Variants in OMA1 observed in about 807,000 individuals in gnomAD.
OMA1 encodes the protein OMA1 zinc metallopeptidase.
In OMA1, 38 loss-of-function variants were observed where a neutral mutation model predicts 30.9. That is an observed-to-expected ratio of 1.23 (90% confidence interval 0.95 to 1.61). The LOEUF is 1.61. Among genes scored for constraint, OMA1 ranks in the 40% most tolerant of loss-of-function variants. The probability of loss-of-function intolerance (pLI) is 0.00; values close to 1 mark genes in which losing one functional copy is unlikely to be tolerated. For missense variants in OMA1, 461 were observed against 349.2 expected (o/e 1.32, Z -2.55); for synonymous variants, 173 against 121.9 (o/e 1.42, Z -2.76).
At chr1:58,541,614 C>CAAAAAAAAAAAAAAACAAAA (rs1646617391) in intron 1 of OMA1, 1 of 65,622 alleles carries the variant, frequency 1.5e-5, no homozygotes, top group African/African-American at 5.9e-5. Context: ...GAGAACCTGT[C>CAAAAAAAAAAAAAAACAAAA]AAAAAAAAAA....
rs536984976 is a variant in OMA1 at position 58,489,495 on chromosome 1, G to C, written c.1366-8321C>G. On this transcript the variant is annotated intron_variant, in intron 8 of 8. Transcript: ENST00000371226. ...GCAGCTCAAGGAGGCCTGCCTGCCT[G>C]TGTAGACTCCACCTCTGGGGGCAGG... 6.3e-4 allele frequency among the ~76,000 whole-genome samples: 96 copies of C among 152,318 alleles called. No homozygotes were observed. In the South Asian group the frequency reaches 0.018, roughly 29 times the overall value.
At chr1:58,482,275 T>C (rs916617635) in intron 8 of OMA1, among the ~76,000 whole-genome samples, 7 of 152,114 alleles carry the variant, frequency 4.6e-5, no homozygotes, top group Non-Finnish European at 7.4e-5. Context: ...AGTTAGAATG[T>C]AGCAACATAA....
chr1:58,519,879 T>C (rs1170267187), intron 7 of OMA1, among the ~76,000 whole-genome samples: 1 of 152,122 alleles, frequency 6.6e-6, no homozygotes, highest in Non-Finnish European at 1.5e-5. Flanking sequence ...ACAAAGTAAC[T>C]GAAATTTAAA....
intron 7 of OMA1, among the ~76,000 whole-genome samples, chr1:58,522,957 G>A (rs1194898931): frequency 6.6e-6 from 1 of 152,156 alleles, no homozygotes; most frequent in South Asian, 2.1e-4. Flanking sequence ...AGACAGGAAA[G>A]GCAGGCATAA....
chr1:58,500,991 A>G (rs1645898001), intron 8 of OMA1, among the ~76,000 whole-genome samples: 1 of 152,202 alleles, frequency 6.6e-6, no homozygotes, highest in Non-Finnish European at 1.5e-5. Context: ...TAAAACTGTC[A>G]TACTATTAAA....
At chr1:58,535,993 A>G (rs1192297546) in intron 3 of OMA1, among the ~76,000 whole-genome samples, 3 of 152,136 alleles carry the variant, frequency 2.0e-5, no homozygotes, top group Non-Finnish European at 4.4e-5. Context: ...ACCATAAACA[A>G]AACAGGTAAG....
intron 1 of OMA1, among the ~76,000 whole-genome samples, chr1:58,542,006 T>C (rs1300374048): frequency 2.0e-5 from 3 of 152,238 alleles, no homozygotes; most frequent in East Asian, 1.9e-4. Context: ...TCTAGAAAGA[T>C]GCTCCAGGAC....
intron 1 of OMA1, among the ~76,000 whole-genome samples, chr1:58,545,467 T>G (rs1186057559): frequency 6.6e-6 from 1 of 151,748 alleles, no homozygotes; most frequent in Non-Finnish European, 1.5e-5. Flanking sequence ...AATCTATTCA[T>G]GCATTTTCAA....
At chr1:58,505,010 T>C (rs1423742245) in intron 8 of OMA1, among the ~76,000 whole-genome samples, 1 of 152,068 alleles carries the variant, frequency 6.6e-6, no homozygotes, top group Admixed American at 6.6e-5. Flanking sequence ...TAGAGTGCAG[T>C]GGCACGATCT....
intron 7 of OMA1, among the ~76,000 whole-genome samples, chr1:58,521,744 A>G (rs1050504211): frequency 7.9e-5 from 12 of 152,208 alleles, no homozygotes; most frequent in Non-Finnish European, 1.8e-4. Context: ...TTCTATATCT[A>G]TTAAAGAGAC....
intron 2 of OMA1, among the ~76,000 whole-genome samples, chr1:58,536,953 C>T (rs1257407676): frequency 6.6e-6 from 1 of 151,870 alleles, no homozygotes; most frequent in Non-Finnish European, 1.5e-5. Context: ...AATTCTAATA[C>T]TCATCGAAAT....
At chr1:58,507,999 T>A (rs1041250709) in intron 7 of OMA1, among the ~76,000 whole-genome samples, 5 of 152,240 alleles carry the variant, frequency 3.3e-5, no homozygotes. Flanking sequence ...GGCATACTTA[T>A]CTAATTTTTT....
intron 8 of OMA1, among the ~76,000 whole-genome samples, chr1:58,494,602 G>T (rs1385128221): frequency 1.3e-5 from 2 of 152,034 alleles, no homozygotes; most frequent in African/African-American, 2.4e-5. Context: ...TCAAAAAGTG[G>T]GTGAAGGATA....
intron 7 of OMA1, among the ~76,000 whole-genome samples, chr1:58,515,375 G>C (rs568220236): frequency 6.6e-6 from 1 of 152,156 alleles, no homozygotes; most frequent in South Asian, 2.1e-4. Context: ...TCAATTTTCT[G>C]CATCTTTTGA....
chr1:58,543,599 G>A (rs1646655365), intron 1 of OMA1, among the ~76,000 whole-genome samples: 1 of 152,054 alleles, frequency 6.6e-6, no homozygotes, highest in South Asian at 2.1e-4. Flanking sequence ...TTTCTAAAAT[G>A]CAAACCCTGG....
intron 8 of OMA1, among the ~76,000 whole-genome samples, chr1:58,485,228 T>TTAAAAAA (rs533975015): frequency 2.4e-5 from 1 of 42,036 alleles, no homozygotes; most frequent in Admixed American, 3.4e-4. Flanking sequence ...AGTCTACTAC[T>TTAAAAAA]AAAAAAAAAA....
At chr1:58,522,807 GGAAGA>G (rs1328220117) in intron 7 of OMA1, among the ~76,000 whole-genome samples, 8 of 152,022 alleles carry the variant, frequency 5.3e-5, no homozygotes, top group Non-Finnish European at 1.0e-4. Context: ...AAAACCATAA[GGAAGA>G]GAAAATATAT....
At chr1:58,496,634 C>T (rs1645807554) in intron 8 of OMA1, among the ~76,000 whole-genome samples, 2 of 152,140 alleles carry the variant, frequency 1.3e-5, no homozygotes, top group African/African-American at 4.8e-5. Flanking sequence ...GGCACTTAGA[C>T]ATTCAATAAT....
At chr1:58,481,456 T>C (rs1343182780) in intron 8 of OMA1, among the ~76,000 whole-genome samples, 2 of 152,140 alleles carry the variant, frequency 1.3e-5, no homozygotes, top group Non-Finnish European at 1.5e-5. Context: ...AAACAAATCT[T>C]AGAGATACAT....
Sources: gnomAD v4.1 joint callset for allele counts (sites outside exome capture counted in the v4.1 genomes callset) on GRCh38, gnomAD v4.1.1 for gene constraint, MANE v1.5 for transcripts, NCBI Gene and HGNC (gene_info 2026-07-23, HGNC 2026-07-21) for gene names.